DESI2: variants seen among roughly 807,000 people sequenced by gnomAD.
DESI2 encodes the protein deubiquitinase DESI2.
A neutral mutation model predicts 24.1 loss-of-function variants in DESI2; 10 were observed. The ratio of observed to expected loss-of-function variants is 0.41; its 90% CI spans 0.26 to 0.70. The LOEUF is 0.70. Ranked by LOEUF, DESI2 falls within the 30% of genes least tolerant of loss-of-function variation. DESI2 has a pLI of 0.29. For synonymous variants in DESI2, 71 were observed against 87.7 expected (o/e 0.81, Z 1.06); for missense variants, 122 against 234.9 (o/e 0.52, Z 3.14).
chr1:244,691,953 A>G lies in DESI2; in HGVS notation c.284A>G (p.Glu95Gly). 1 of 1,605,736 alleles carries G rather than the reference A, an allele frequency of 6.2e-7. No individual in the cohort carries two copies. Residue 95 changes from glutamate (E) to glycine (G), a missense_variant, in exon 4 of 5, where the codon GAA (glutamate) becomes GGA (glycine). Physicochemically the swap from Glu to Gly is moderately conservative, Grantham distance 98. Around this residue, in one of 6 missense-constraint regions of DESI2, gnomAD observed 23 missense variants for 28.5 expected, o/e 0.81. Transcript: ENST00000302550. ...IEKIVEELGK[E>G]YKGNAYHLMH... ...AAAATTGTAGAAGAACTGGGAAAAG[A>G]ATACAAAGGCAATGCTTATCATTTA...
intron 1 of DESI2, among the ~76,000 whole-genome samples, chr1:244,667,120 C>T (rs1469772405): frequency 6.6e-6 from 1 of 152,128 alleles, no homozygotes; most frequent in Non-Finnish European, 1.5e-5. Flanking sequence ...AATCTCATGT[C>T]CTCACATTTC....
intron 4 of DESI2, among the ~76,000 whole-genome samples, chr1:244,693,728 G>C (rs1677110179): frequency 1.3e-5 from 2 of 152,240 alleles, no homozygotes; most frequent in East Asian, 3.8e-4. Context: ...ACGGCGCCCA[G>C]CCTAACGCTG....
chr1:244,684,430 C>T (rs1283472521), intron 1 of DESI2, among the ~76,000 whole-genome samples: 1 of 152,132 alleles, frequency 6.6e-6, no homozygotes, highest in Non-Finnish European at 1.5e-5. Context: ...TCTTTTGTTG[C>T]AATTGGTGGT....
In DESI2 at chr1:244,705,879, G is replaced by A; in HGVS notation, c.*90G>A. On this transcript the variant is annotated 3_prime_UTR_variant, in exon 5 of 5. Coordinates refer to ENST00000302550, the MANE Select transcript of DESI2 (RefSeq NM_016076.5). ...CAGAGAAGCATCCTTTAGATATTTT[G>A]TATGCAAAGATGGCTCTCCCCCAAA... The A allele has an allele frequency of 1.1e-6, 1 of 927,490 alleles. No individual in the cohort carries two copies. The highest frequency in any genetic ancestry group is 1.6e-6 in the Non-Finnish European group (1 of 623,846). The allele number at this position is 927,490 out of a possible 1,614,324, so 57.5% of individuals were successfully genotyped here.
intron 1 of DESI2, among the ~76,000 whole-genome samples, chr1:244,685,345 T>A (rs1035145891): frequency 2.0e-5 from 3 of 152,184 alleles, no homozygotes; most frequent in Non-Finnish European, 4.4e-5. Flanking sequence ...GTCAACATGC[T>A]TTTAGTAAGT....
At chr1:244,669,079 C>G (rs1250191319) in intron 1 of DESI2, among the ~76,000 whole-genome samples, 1 of 152,072 alleles carries the variant, frequency 6.6e-6, no homozygotes, top group African/African-American at 2.4e-5. Context: ...TGGCTCACTG[C>G]AGGCTTTGAC....
intron 4 of DESI2, among the ~76,000 whole-genome samples, chr1:244,696,297 A>G (rs897018364): frequency 1.3e-5 from 2 of 152,234 alleles, no homozygotes; most frequent in Non-Finnish European, 2.9e-5. Flanking sequence ...AAGTTCATAC[A>G]GCTGGTCACC....
chr1:244,691,290 T>G (rs1677020032), intron 3 of DESI2, among the ~76,000 whole-genome samples: 1 of 152,248 alleles, frequency 6.6e-6, no homozygotes, highest in Non-Finnish European at 1.5e-5. Flanking sequence ...GGTTTCACCG[T>G]GTTGGCCAGG....
intron 1 of DESI2, among the ~76,000 whole-genome samples, chr1:244,677,438 A>G (rs1676449730): frequency 6.6e-6 from 1 of 152,216 alleles, no homozygotes; most frequent in Non-Finnish European, 1.5e-5. Context: ...CTTTAACTTT[A>G]CAAAGAAATT....
chr1:244,680,625 A>G (rs1676576431), intron 1 of DESI2, among the ~76,000 whole-genome samples: 2 of 152,236 alleles, frequency 1.3e-5, no homozygotes, highest in African/African-American at 2.4e-5. Flanking sequence ...GCTCAGTTCA[A>G]TCACTTAGTA....
At chr1:244,681,784 A>G (rs1422284074) in intron 1 of DESI2, among the ~76,000 whole-genome samples, 2 of 152,162 alleles carry the variant, frequency 1.3e-5, no homozygotes, top group African/African-American at 2.4e-5. Context: ...CTTTTTTATT[A>G]TCTGTGTGAT....
At chr1:244,696,563 T>C (rs1385546603) in intron 4 of DESI2, among the ~76,000 whole-genome samples, 2 of 152,188 alleles carry the variant, frequency 1.3e-5, no homozygotes, top group Non-Finnish European at 2.9e-5. Flanking sequence ...GAGGTTGCAG[T>C]GAACCAAGAT....
intron 4 of DESI2, among the ~76,000 whole-genome samples, chr1:244,697,184 G>A (rs1677249823): frequency 6.6e-6 from 1 of 152,128 alleles, no homozygotes; most frequent in African/African-American, 2.4e-5. Flanking sequence ...AAACGGGGCG[G>A]TTGTGGAGAC....
At chr1:244,653,430 C>T in intron 1 of DESI2, 75 bp downstream of exon 1, 1 of 1,459,600 alleles carries the variant, frequency 6.9e-7, no homozygotes, top group East Asian at 2.7e-5. Flanking sequence ...CGGACCCCGG[C>T]CCCAGGCGCT....
At chr1:244,653,813 A>G (rs1675549701) in intron 1 of DESI2, 4 of 390,004 alleles carry the variant, frequency 1.0e-5, no homozygotes, top group East Asian at 7.8e-5. Context: ...GAAACTCCCA[A>G]GCCCCTCTAA....
Position 244,683,367 on chromosome 1 carries a change from A to G in DESI2, c.43-3230A>G, listed in dbSNP as rs928219303. ...CGCTCTGTCGCCCAGGCTGGAGTGCAGTGGCGTGATCTCGGCTCACTGCAA... is the reference window on the plus strand; with the variant it reads ...CGCTCTGTCGCCCAGGCTGGAGTGCGGTGGCGTGATCTCGGCTCACTGCAA... On this transcript the variant is annotated intron_variant, in intron 1 of 4. Transcript: ENST00000302550. Among the ~76,000 whole-genome samples, 28 of 151,908 alleles carry G rather than the reference A, an allele frequency of 1.8e-4. 1 individual carries two copies. Among genetic ancestry groups the G allele is most frequent in the Admixed American group, 1.3e-4 (2 of 15,280 alleles).
intron 4 of DESI2, among the ~76,000 whole-genome samples, chr1:244,698,822 T>C (rs1467714410): frequency 1.3e-5 from 2 of 152,212 alleles, no homozygotes; most frequent in Non-Finnish European, 2.9e-5. Context: ...GGAACCGGCT[T>C]CTCTGGTGGG....
At chr1:244,704,318 AAAC>A (rs940469013) in intron 4 of DESI2, among the ~76,000 whole-genome samples, 24 of 152,212 alleles carry the variant, frequency 1.6e-4, no homozygotes, top group Non-Finnish European at 2.4e-4. Flanking sequence ...TTGGAGGCAA[AAAC>A]AACAAAGTGG....
Position 244,691,852 on chromosome 1 carries a change from CTCTT to C in DESI2, c.210-25_210-22del, listed in dbSNP as rs767911893. The C allele has an allele frequency of 1.2e-5, 19 of 1,524,336 alleles. 1 individual carries two copies. The Admixed American group carries it at 2.2e-4, about 18-fold the overall frequency. The allele number at this position is 1,524,336 out of a possible 1,614,324, so 94.4% of individuals were successfully genotyped here. ...CACAACTATGTCCTTATTTTTCTTT[CTCTT>C]TTTTTTCTTTTTGTTCTTTAAGAGA... On this transcript the variant is annotated intron_variant, in intron 3 of 4. Coordinates refer to ENST00000302550, the MANE Select transcript of DESI2 (RefSeq NM_016076.5).
Sources: gnomAD v4.1 joint callset for allele counts (sites outside exome capture counted in the v4.1 genomes callset) on GRCh38, gnomAD v4.1.1 for gene constraint, gnomAD v4.1.1 regional missense constraint, MANE v1.5 for transcripts, NCBI Gene and HGNC (gene_info 2026-07-23, HGNC 2026-07-21) for gene names.